The following KDM4B variants were observed in gnomAD, a reference collection of about 807,000 sequenced individuals.
The protein encoded by KDM4B is lysine demethylase 4B, also known as lysine-specific demethylase 4B.
A neutral mutation model predicts 125.2 loss-of-function variants in KDM4B; 32 were observed. The observed-to-expected ratio is 0.26, with a 90% confidence interval of 0.19 to 0.34. The LOEUF (loss-of-function observed/expected upper bound fraction) is 0.34. KDM4B is among the 10% of genes least tolerant of loss of function. The probability of loss-of-function intolerance (pLI) is 1.00; values close to 1 mark genes in which losing one functional copy is unlikely to be tolerated. For synonymous variants in KDM4B, 721 were observed against 677.9 expected, an observed-to-expected ratio of 1.06 and a Z score of -0.99; for missense variants, 1,190 against 1,577.7, an observed-to-expected ratio of 0.75 and a Z score of 4.16.
At chr19:5,037,185 C>T (rs754645650) in intron 3 of KDM4B, among the ~76,000 whole-genome samples, 15 of 152,200 alleles carry the variant, frequency 9.9e-5, no homozygotes, top group Admixed American at 2.0e-4. Context: ...CCTCGGCCAG[C>T]GGCTTTGGCG....
Position 5,121,588 on chromosome 19 carries a change from T to C in KDM4B, c.1315+1736T>C, listed in dbSNP as rs140138091. On this transcript the variant is annotated intron_variant, in intron 11 of 22. Coordinates refer to ENST00000159111, the MANE Select transcript of KDM4B (RefSeq NM_015015.3). Reference sequence around the variant, plus strand: ...ACATGGCTCCCAAAGATGCCCCTTATGGTGCTAGCAACCAGAAATAATGGA... The same window carrying C: ...ACATGGCTCCCAAAGATGCCCCTTACGGTGCTAGCAACCAGAAATAATGGA... Among the ~76,000 whole-genome samples, 117 of 152,288 alleles carry C rather than the reference T, an allele frequency of 7.7e-4. 1 individual carries two copies. The highest frequency in any genetic ancestry group is 3.3e-3 in the South Asian group (16 of 4,834).
intron 10 of KDM4B, among the ~76,000 whole-genome samples, chr19:5,117,604 C>A (rs1324930924): frequency 6.6e-6 from 1 of 152,200 alleles, no homozygotes; most frequent in African/African-American, 2.4e-5. Flanking sequence ...AGGCACCCAG[C>A]ATTTGCCTAG....
At chr19:5,124,709 C>T (rs990806963) in intron 11 of KDM4B, among the ~76,000 whole-genome samples, 3 of 152,200 alleles carry the variant, frequency 2.0e-5, no homozygotes, top group Non-Finnish European at 2.9e-5. Flanking sequence ...GATTCTCCTG[C>T]GTCAGCCTCC....
chr19:5,087,803 A>G lies in KDM4B; in HGVS notation c.918+5299A>G, dbSNP rs58511843. Among the ~76,000 whole-genome samples, 195 of 152,276 alleles carry G rather than the reference A, an allele frequency of 1.3e-3. 1 individual carries two copies. Among genetic ancestry groups the G allele is most frequent in the African/African-American group, 4.5e-3 (189 of 41,550 alleles). ...CACAGGTGTTAAGTATCTCAGAGCCATGAAACTCTCTGCCTTGCCTGACAG... is the reference window on the plus strand; with the variant it reads ...CACAGGTGTTAAGTATCTCAGAGCCGTGAAACTCTCTGCCTTGCCTGACAG... On this transcript the variant is annotated intron_variant, in intron 9 of 22. Transcript: ENST00000159111.
At chr19:5,012,463 G>A (rs766365715) in intron 1 of KDM4B, among the ~76,000 whole-genome samples, 3 of 151,918 alleles carry the variant, frequency 2.0e-5, no homozygotes, top group Non-Finnish European at 2.9e-5. Flanking sequence ...GGGATTCCTC[G>A]TGGCCCGTAG....
chr19:5,101,680 G>A (rs541900885), intron 9 of KDM4B, among the ~76,000 whole-genome samples: 12 of 150,868 alleles, frequency 8.0e-5, no homozygotes, highest in African/African-American at 2.4e-4. Context: ...GGGGAAGGGC[G>A]GGGAGGGCCT....
At chr19:4,982,214 C>T (rs2034664998) in intron 1 of KDM4B, among the ~76,000 whole-genome samples, 2 of 151,898 alleles carry the variant, frequency 1.3e-5, no homozygotes, top group Non-Finnish European at 2.9e-5. Context: ...ATCGCTTGAA[C>T]CTGGGAGATG....
chr19:5,091,279 G>A (rs896160705), intron 9 of KDM4B, among the ~76,000 whole-genome samples: 2 of 152,214 alleles, frequency 1.3e-5, no homozygotes, highest in East Asian at 3.9e-4. Context: ...ATTAAACAGA[G>A]CGCGAGAGAT....
At chr19:5,041,324 A>T in intron 5 of KDM4B, 73 bp downstream of exon 5, 1 of 1,182,584 alleles carries the variant, frequency 8.5e-7, no homozygotes, top group Non-Finnish European at 1.2e-6. Context: ...CCTGAACGGG[A>T]CTCTGCCTTG....
intron 21 of KDM4B, among the ~76,000 whole-genome samples, chr19:5,149,222 G>A (rs2039904529): frequency 6.6e-6 from 1 of 152,260 alleles, no homozygotes; most frequent in African/African-American, 2.4e-5. Context: ...ACTACGTGGG[G>A]CGTCTAGCCC....
intron 2 of KDM4B, among the ~76,000 whole-genome samples, chr19:5,017,850 C>T (rs973734999): frequency 1.3e-5 from 2 of 151,614 alleles, no homozygotes; most frequent in African/African-American, 2.4e-5. Context: ...ACGCCATTCT[C>T]CTGCCTCAGC....
rs1568248476 is a variant in KDM4B, at chr19:5,040,017, C to CGGGGCG, written c.317+9_317+14dup. On this transcript the variant is annotated splice_region_variant and intron_variant, in intron 4 of 22. Transcript: ENST00000159111. ...CGCCTGGCCAACAGCGAGAAGTACG[C>CGGGGCG]GGGGCGGGCAGGGCGGACCTGACCC... The CGGGGCG allele has an allele frequency of 1.2e-6, 2 of 1,607,882 alleles. No individual in the cohort carries two copies. Among genetic ancestry groups the CGGGGCG allele is most frequent in the Admixed American group, 3.3e-5 (2 of 59,816 alleles).
chr19:5,113,873 CAT>C (rs1355533261), intron 10 of KDM4B: 66 of 985,242 alleles, frequency 6.7e-5, no homozygotes, highest in South Asian at 2.3e-4. Context: ...GGATGGCCCT[CAT>C]GTGTTTACCA....
chr19:5,004,653 C>T (rs2035500671), intron 1 of KDM4B, among the ~76,000 whole-genome samples: 1 of 152,152 alleles, frequency 6.6e-6, no homozygotes, highest in African/African-American at 2.4e-5. Context: ...GTGAGATGCA[C>T]CACGGCTCTG....
chr19:5,095,522 T>G (rs1452569582), intron 9 of KDM4B, among the ~76,000 whole-genome samples: 1 of 152,248 alleles, frequency 6.6e-6, no homozygotes, highest in African/African-American at 2.4e-5. Context: ...TGTCTGCAGG[T>G]GGCCAGGGTC....
chr19:5,061,729 G>A lies in KDM4B; in HGVS notation c.627-9281G>A, dbSNP rs145769189. ...AAAAAGAAGAAAAAATCAGCTGGGT[G>A]TAGGGCGCACACCTGTCATCTTTTA... On this transcript the variant is annotated intron_variant, in intron 6 of 22. Coordinates refer to ENST00000159111, the MANE Select transcript of KDM4B (RefSeq NM_015015.3). 3.8e-3 allele frequency among the ~76,000 whole-genome samples: 585 copies of A among 152,016 alleles called. 3 individuals carry two copies. Among genetic ancestry groups the A allele is most frequent in the Middle Eastern group, 0.014 (4 of 294 alleles).
chr19:5,054,693 G>A (rs1303962543), intron 6 of KDM4B, among the ~76,000 whole-genome samples: 1 of 152,232 alleles, frequency 6.6e-6, no homozygotes, highest in Non-Finnish European at 1.5e-5. Context: ...TGCCAGCAGG[G>A]CATTGCAGCC....
intron 11 of KDM4B, among the ~76,000 whole-genome samples, chr19:5,127,188 C>A (rs954418624): frequency 6.6e-6 from 1 of 152,184 alleles, no homozygotes; most frequent in African/African-American, 2.4e-5. Flanking sequence ...TACCATGGTC[C>A]CTGCTCTGTC....
chr19:4,982,127 C>A (rs2034662158), intron 1 of KDM4B, among the ~76,000 whole-genome samples: 1 of 149,434 alleles, frequency 6.7e-6, no homozygotes, highest in South Asian at 2.1e-4. Flanking sequence ...CCCGTCTCTA[C>A]TAAAAAATAC....
Sources: allele counts gnomAD v4.1 joint callset (sites outside exome capture counted in the v4.1 genomes callset), GRCh38; gene constraint gnomAD v4.1.1; transcripts MANE v1.5; gene names NCBI Gene and HGNC (gene_info 2026-07-23, HGNC 2026-07-21).